Variants in KLF7 observed in about 807,000 individuals in gnomAD.
KLF7 encodes Krueppel-like factor 7.
Under a neutral mutation model 27.3 loss-of-function variants are expected in KLF7, and 2 were observed. The observed-to-expected ratio is 0.07, with a 90% CI of 0.03 to 0.23. The LOEUF is 0.23. Ranked by LOEUF, KLF7 falls within the 10% of genes least tolerant of loss-of-function variation. The probability of loss-of-function intolerance (pLI) is 1.00; values close to 1 mark genes in which losing one functional copy is unlikely to be tolerated. For missense variants in KLF7, 221 were observed against 394.1 expected (o/e 0.56, Z 3.72); for synonymous variants, 165 against 162.4 (o/e 1.02, Z -0.12).
rs1357190005 is a variant in KLF7 at position 207,108,194 on chromosome 2, C to CAAAAAT, written c.733+15574_733+15579dup. ...GTGCACACCAGGAAAACCACAAAAA[C>CAAAAAT]AAAAATAAAAACAAAAACAAAAACT... On this transcript the variant is annotated intron_variant, in intron 2 of 3. Coordinates refer to ENST00000309446, the MANE Select transcript of KLF7 (RefSeq NM_003709.4). Among the ~76,000 whole-genome samples the CAAAAAT allele has an allele frequency of 2.6e-5, 4 of 152,070 alleles. No individual in the cohort carries two copies. In the South Asian group the frequency reaches 8.3e-4, roughly 32 times the overall value.
At chr2:207,145,502 A>G (rs1018834695) in intron 1 of KLF7, among the ~76,000 whole-genome samples, 8 of 152,248 alleles carry the variant, frequency 5.3e-5, no homozygotes, top group South Asian at 2.1e-4. Context: ...TAAATGAAAT[A>G]CAGGTGTCAG....
intron 1 of KLF7, among the ~76,000 whole-genome samples, chr2:207,133,128 A>G (rs2077683450): frequency 6.6e-6 from 1 of 152,194 alleles, no homozygotes; most frequent in Non-Finnish European, 1.5e-5. Flanking sequence ...ATGCTCCTGT[A>G]TGCTATCCCC....
In KLF7 at chr2:207,080,588, C is replaced by G. The variant is rs1350093744; in HGVS notation, c.*625G>C. 1 of 366,714 alleles carries G rather than the reference C, an allele frequency of 2.7e-6. No homozygotes were observed. Among genetic ancestry groups the G allele is most frequent in the African/African-American group, 2.1e-5 (1 of 47,986 alleles). 22.7% of individuals were successfully genotyped at this position (366,714 alleles called of 1,614,324 possible). The stretch of plus-strand genomic sequence containing the variant: ...GAAAGATCTCAATAGTACTAAGAAC[C>G]AAAACCAGTCAACAGTTCTGTGAGG... On this transcript the variant is annotated 3_prime_UTR_variant, in exon 4 of 4. Transcript: ENST00000309446.
Position 207,079,761 on chromosome 2 carries a change from GGAAA to G in KLF7, c.*1448_*1451del, listed in dbSNP as rs2076237391. ...ATGGTGGGCCTAGCCAAAAAAAAAA[GGAAA>G]GAAAGAAACGTGTCTCTCCTTTTAG... On this transcript the variant is annotated 3_prime_UTR_variant, in exon 4 of 4. Coordinates refer to ENST00000309446, the MANE Select transcript of KLF7 (RefSeq NM_003709.4). 1.3e-5 allele frequency: 2 copies of G among 151,984 alleles called. No individual in the cohort carries two copies. Among genetic ancestry groups the G allele is most frequent in the Non-Finnish European group, 2.9e-5 (2 of 67,998 alleles). 9.4% of individuals were successfully genotyped at this position (151,984 alleles called of 1,614,324 possible).
Position 207,131,194 on chromosome 2 carries a change from A to C in KLF7, c.103-6790T>G. Among the ~76,000 whole-genome samples the C allele has an allele frequency of 1.3e-5, 2 of 152,234 alleles. 1 individual carries two copies. The highest frequency in any genetic ancestry group is 2.9e-5 in the Non-Finnish European group (2 of 68,040). On this transcript the variant is annotated intron_variant, in intron 1 of 3. Coordinates refer to ENST00000309446, the MANE Select transcript of KLF7 (RefSeq NM_003709.4). ...GATGATGATGGTGGTGAGAAGGATGATGCTTCTGGCGAGGAAGGGACAGAC... is the reference window on the plus strand; with the variant it reads ...GATGATGATGGTGGTGAGAAGGATGCTGCTTCTGGCGAGGAAGGGACAGAC...
At chr2:207,110,537 C>G (rs538285878) in intron 2 of KLF7, among the ~76,000 whole-genome samples, 14 of 152,178 alleles carry the variant, frequency 9.2e-5, no homozygotes, top group Non-Finnish European at 1.6e-4. Flanking sequence ...CTCCCACGTA[C>G]CAGCCTGGCA....
chr2:207,111,508 C>G (rs2077036399), intron 2 of KLF7, among the ~76,000 whole-genome samples: 1 of 152,216 alleles, frequency 6.6e-6, no homozygotes, highest in African/African-American at 2.4e-5. Context: ...TGCTGGGGGA[C>G]TAGCAGCCAT....
intron 3 of KLF7, among the ~76,000 whole-genome samples, chr2:207,082,344 T>C (rs1307071281): frequency 1.3e-5 from 2 of 152,058 alleles, no homozygotes; most frequent in African/African-American, 2.4e-5. Context: ...ATACTGCCCT[T>C]GTGGTAAAGA....
chr2:207,111,832 C>G (rs1022078279), intron 2 of KLF7, among the ~76,000 whole-genome samples: 1 of 152,186 alleles, frequency 6.6e-6, no homozygotes, highest in African/African-American at 2.4e-5. Flanking sequence ...TGACCACCTT[C>G]AGTCTTCAAA....
At chr2:207,118,110 T>TGG (rs2077237257) in intron 2 of KLF7, among the ~76,000 whole-genome samples, 1 of 152,222 alleles carries the variant, frequency 6.6e-6, no homozygotes, top group African/African-American at 2.4e-5. Context: ...AACAGGGACT[T>TGG]GCATAGCCTG....
chr2:207,118,780 T>C (rs187012707), intron 2 of KLF7, among the ~76,000 whole-genome samples: 1 of 152,384 alleles, frequency 6.6e-6, no homozygotes, highest in Admixed American at 6.5e-5. Flanking sequence ...GTGCTTTATA[T>C]GTATTTGTTG....
intron 1 of KLF7, among the ~76,000 whole-genome samples, chr2:207,155,029 G>A (rs1214803737): frequency 1.3e-5 from 2 of 152,204 alleles, no homozygotes; most frequent in African/African-American, 4.8e-5. Flanking sequence ...CTAAAGAGCA[G>A]TCAGTATAGA....
At chr2:207,146,013 C>T (rs1203037735) in intron 1 of KLF7, among the ~76,000 whole-genome samples, 1 of 152,188 alleles carries the variant, frequency 6.6e-6, no homozygotes, top group African/African-American at 2.4e-5. Context: ...TTATTATGAA[C>T]GAGTGTGACC....
At chr2:207,145,575 C>T (rs778477007) in intron 1 of KLF7, among the ~76,000 whole-genome samples, 1 of 152,154 alleles carries the variant, frequency 6.6e-6, no homozygotes, top group African/African-American at 2.4e-5. Flanking sequence ...TGTAAACTTT[C>T]AGGAAAAGTT....
chr2:207,107,637 C>T (rs1031838996), intron 2 of KLF7, among the ~76,000 whole-genome samples: 9 of 152,238 alleles, frequency 5.9e-5, no homozygotes, highest in African/African-American at 2.2e-4. Flanking sequence ...CACTCCCCAC[C>T]GGCTCCTGTG....
chr2:207,108,443 C>T (rs1559126798), intron 2 of KLF7, among the ~76,000 whole-genome samples: 1 of 152,198 alleles, frequency 6.6e-6, no homozygotes, highest in Non-Finnish European at 1.5e-5. Flanking sequence ...GGATCACACA[C>T]AAAAATATCT....
chr2:207,165,787 G>A lies in KLF7; in HGVS notation c.-219C>T. 7.0e-7 allele frequency: 1 copy of A among 1,427,716 alleles called. No homozygotes were observed. Among genetic ancestry groups the A allele is most frequent in the Non-Finnish European group, 9.1e-7 (1 of 1,096,382 alleles). The allele number at this position is 1,427,716 out of a possible 1,614,324, so 88.4% of individuals were successfully genotyped here. On this transcript the variant is annotated 5_prime_UTR_variant, in exon 1 of 4. Transcript: ENST00000309446. Reference sequence around the variant, plus strand: ...AGCGAGTGAGTGGGGTGGATGGAGAGAGGCATCCAGCGTGTACAGTGCAGA... The same window carrying A: ...AGCGAGTGAGTGGGGTGGATGGAGAAAGGCATCCAGCGTGTACAGTGCAGA...
intron 1 of KLF7, among the ~76,000 whole-genome samples, chr2:207,165,009 C>A (rs1264527226): frequency 6.6e-6 from 1 of 150,944 alleles, no homozygotes; most frequent in African/African-American, 2.4e-5. Flanking sequence ...CTCCCCCGCC[C>A]CCCATCCGAT....
intron 2 of KLF7, among the ~76,000 whole-genome samples, chr2:207,093,868 A>C (rs2076567248): frequency 6.6e-6 from 1 of 152,186 alleles, no homozygotes; most frequent in Non-Finnish European, 1.5e-5. Context: ...CTTAAATCTG[A>C]TATCCTTCTT....
Sources: gnomAD v4.1 joint callset for allele counts (sites outside exome capture counted in the v4.1 genomes callset) on GRCh38, gnomAD v4.1.1 for gene constraint, MANE v1.5 for transcripts, NCBI Gene and HGNC (gene_info 2026-07-23, HGNC 2026-07-21) for gene names.